HPSE2: variants seen among roughly 807,000 people sequenced by gnomAD.
HPSE2 encodes the protein heparanase 2 (inactive), also known as inactive heparanase-2.
In HPSE2, 38 loss-of-function variants were observed where a neutral mutation model predicts 60.5. The ratio of observed to expected loss-of-function variants is 0.63; its 90% CI spans 0.48 to 0.82. HPSE2 has a LOEUF of 0.82. Among genes scored for constraint, HPSE2 ranks in the 40% least tolerant of loss-of-function variants. The pLI is 0.00. For missense variants in HPSE2, 713 were observed against 740.4 expected (o/e 0.96, Z 0.43); for synonymous variants, 295 against 293.2 (o/e 1.01, Z -0.06).
rs997027759 is a variant in HPSE2 at position 99,115,455 on chromosome 10, A to AT, written c.610+28782dup. On this transcript the variant is annotated intron_variant, in intron 3 of 11. Coordinates refer to ENST00000370552, the MANE Select transcript of HPSE2 (RefSeq NM_021828.5). ...AGGTGTGAGCCACCACGCTTGGCCAATTTTTTTTTTTTTATTTTTTGTAGA... is the reference window on the plus strand; with the variant it reads ...AGGTGTGAGCCACCACGCTTGGCCAATTTTTTTTTTTTTTATTTTTTGTAGA... 4.9e-3 allele frequency among the ~76,000 whole-genome samples: 712 copies of AT among 145,470 alleles called. 5 individuals are homozygous for AT. The highest frequency in any genetic ancestry group is 0.018 in the Middle Eastern group (5 of 276).
Position 99,016,897 on chromosome 10 carries a change from C to G in HPSE2, c.610+127341G>C, listed in dbSNP as rs537187292. Among the ~76,000 whole-genome samples, 5 of 152,236 alleles carry G rather than the reference C, an allele frequency of 3.3e-5. No individual in the cohort carries two copies. The South Asian group carries it at 1.0e-3, about 32-fold the overall frequency. On this transcript the variant is annotated intron_variant, in intron 3 of 11. Transcript: ENST00000370552. Reference sequence around the variant, plus strand: ...ATTTATTTTGTATCCTGGGACTTTGCTGAAGTTGTTTATCTTCTTAAGAAG... The same window carrying G: ...ATTTATTTTGTATCCTGGGACTTTGGTGAAGTTGTTTATCTTCTTAAGAAG...
chr10:98,665,103 A>G (rs1273936964), intron 6 of HPSE2, among the ~76,000 whole-genome samples: 2 of 152,218 alleles, frequency 1.3e-5, no homozygotes, highest in Non-Finnish European at 2.9e-5. Context: ...AAAGAACCAA[A>G]CTTAACTTCT....
At chr10:98,748,340 G>T (rs1949675826) in intron 3 of HPSE2, among the ~76,000 whole-genome samples, 1 of 152,088 alleles carries the variant, frequency 6.6e-6, no homozygotes, top group Non-Finnish European at 1.5e-5. Context: ...TAAGACATAT[G>T]TTCTACAGTT....
At chr10:98,797,151 C>A (rs1198104700) in intron 3 of HPSE2, among the ~76,000 whole-genome samples, 1 of 152,088 alleles carries the variant, frequency 6.6e-6, no homozygotes, top group South Asian at 2.1e-4. Flanking sequence ...AAATGAGGCA[C>A]CAGAGATCAA....
At chr10:98,674,745 T>C (rs1947592703) in intron 6 of HPSE2, among the ~76,000 whole-genome samples, 1 of 152,094 alleles carries the variant, frequency 6.6e-6, no homozygotes, top group African/African-American at 2.4e-5. Flanking sequence ...TGAAACCCTG[T>C]CTTTACTAAA....
intron 3 of HPSE2, among the ~76,000 whole-genome samples, chr10:99,076,147 T>C (rs1842944711): frequency 6.6e-6 from 1 of 151,988 alleles, no homozygotes; most frequent in South Asian, 2.1e-4. Context: ...TGTCTTCCCT[T>C]GTTTTTCATT....
chr10:99,181,119 C>T (rs1171469150), intron 2 of HPSE2, among the ~76,000 whole-genome samples: 2 of 151,766 alleles, frequency 1.3e-5, no homozygotes, highest in African/African-American at 2.4e-5. Context: ...ACACACGCGG[C>T]CGGGCGCGGT....
intron 3 of HPSE2, among the ~76,000 whole-genome samples, chr10:98,812,520 A>G (rs181972124): frequency 6.6e-6 from 1 of 152,322 alleles, no homozygotes; most frequent in Non-Finnish European, 1.5e-5. Flanking sequence ...TCTATATTCT[A>G]TGCTCTGTAA....
intron 3 of HPSE2, among the ~76,000 whole-genome samples, chr10:99,140,350 G>A (rs1487286709): frequency 6.6e-6 from 1 of 152,190 alleles, no homozygotes; most frequent in East Asian, 1.9e-4. Flanking sequence ...AGGAATATTA[G>A]AAAGTGTCTT....
chr10:99,014,602 C>T (rs1957093976), intron 3 of HPSE2, among the ~76,000 whole-genome samples: 1 of 152,200 alleles, frequency 6.6e-6, no homozygotes, highest in Admixed American at 6.5e-5. Flanking sequence ...TTCTCCACAA[C>T]CTCACCAGCA....
chr10:98,868,673 T>C (rs1363601509), intron 3 of HPSE2, among the ~76,000 whole-genome samples: 2 of 152,168 alleles, frequency 1.3e-5, no homozygotes, highest in African/African-American at 4.8e-5. Context: ...AAATTTAATA[T>C]GAATGCTCAG....
chr10:98,717,569 AGGG>A (rs1320677534), intron 5 of HPSE2, among the ~76,000 whole-genome samples: 1 of 152,030 alleles, frequency 6.6e-6, no homozygotes, highest in Non-Finnish European at 1.5e-5. Context: ...GTTGCATCTC[AGGG>A]AATAGAAAAG....
the HPSE2 span, among the ~76,000 whole-genome samples, chr10:99,260,338 C>T: frequency 6.6e-6 from 1 of 152,072 alleles, no homozygotes; most frequent in African/African-American, 2.4e-5. Context: ...ACATTTGGTG[C>T]CAAAACCCGG....
chr10:98,885,095 A>T (rs1254544245), intron 3 of HPSE2, among the ~76,000 whole-genome samples: 3 of 152,208 alleles, frequency 2.0e-5, no homozygotes, highest in African/African-American at 7.2e-5. Flanking sequence ...TAGCAACATT[A>T]ACAGGAGTTT....
At position 98,874,747 on chromosome 10, in the gene HPSE2, T is replaced by C. The variant is rs544112397; in HGVS notation, c.611-130691A>G. On this transcript the variant is annotated intron_variant, in intron 3 of 11. Coordinates refer to ENST00000370552, the MANE Select transcript of HPSE2 (RefSeq NM_021828.5). The stretch of plus-strand genomic sequence containing the variant: ...ATTCAGTGTGATACTGGCTGTGGGT[T>C]TGTCATAAATAGCTCTTATTATTTT... 7.9e-5 allele frequency among the ~76,000 whole-genome samples: 12 copies of C among 152,230 alleles called. No individual in the cohort carries two copies. The South Asian group carries it at 2.3e-3, about 29-fold the overall frequency.
intron 2 of HPSE2, among the ~76,000 whole-genome samples, chr10:99,189,676 C>T (rs1035014916): frequency 6.6e-6 from 1 of 152,194 alleles, no homozygotes; most frequent in Non-Finnish European, 1.5e-5. Flanking sequence ...ATAACCAATG[C>T]CATACCAAGC....
At chr10:98,922,293 G>A (rs1029221708) in intron 3 of HPSE2, among the ~76,000 whole-genome samples, 5 of 152,144 alleles carry the variant, frequency 3.3e-5, no homozygotes, top group African/African-American at 1.2e-4. Flanking sequence ...ATTGGATAGT[G>A]CCCTTCAGGG....
At chr10:99,107,583 A>G (rs760459408) in intron 3 of HPSE2, among the ~76,000 whole-genome samples, 4 of 152,128 alleles carry the variant, frequency 2.6e-5, no homozygotes, top group Non-Finnish European at 5.9e-5. Flanking sequence ...TTATTTTTAG[A>G]TCAATATTTA....
chr10:98,933,635 T>A (rs1954703501), intron 3 of HPSE2, among the ~76,000 whole-genome samples: 3 of 144,000 alleles, frequency 2.1e-5, no homozygotes, highest in Admixed American at 2.1e-4. Context: ...ATCTGGGGGC[T>A]CCTGTATTGG....
Sources: allele counts gnomAD v4.1 joint callset (sites outside exome capture counted in the v4.1 genomes callset), GRCh38; gene constraint gnomAD v4.1.1; transcripts MANE v1.5; gene names NCBI Gene and HGNC (gene_info 2026-07-23, HGNC 2026-07-21).